The following CLIP2 variants were observed in gnomAD, a reference collection of about 807,000 sequenced individuals.
The protein encoded by CLIP2 is CAP-Gly domain containing linker protein 2.
A neutral mutation model predicts 111.7 loss-of-function variants in CLIP2; 41 were observed. That is an observed-to-expected ratio of 0.37 (90% CI 0.29 to 0.48). The LOEUF (loss-of-function observed/expected upper bound fraction) is 0.48, where lower values mean the gene tolerates loss of function less well. Among genes scored for constraint, CLIP2 ranks in the 20% least tolerant of loss-of-function variants. The pLI, the probability that CLIP2 is intolerant of heterozygous loss-of-function variation, is 0.99. For synonymous variants in CLIP2, 660 were observed against 644.2 expected, an observed-to-expected ratio of 1.02 and a Z score of -0.37; for missense variants, 1,160 against 1,422.1, an observed-to-expected ratio of 0.82 and a Z score of 2.96.
At chr7:74,334,422 G>A (rs975320435) in intron 2 of CLIP2, among the ~76,000 whole-genome samples, 4 of 152,194 alleles carry the variant, frequency 2.6e-5, no homozygotes, top group Admixed American at 6.5e-5. Context: ...CTGAGGGTCC[G>A]CCTGGGCCCG....
chr7:74,306,530 A>G (rs1470033207), intron 1 of CLIP2, among the ~76,000 whole-genome samples: 1 of 151,994 alleles, frequency 6.6e-6, no homozygotes, highest in African/African-American at 2.4e-5. Context: ...CCACTGCTCT[A>G]TTTGGCACCC....
intron 10 of CLIP2, among the ~76,000 whole-genome samples, chr7:74,378,035 A>C (rs1554313296): frequency 6.6e-6 from 1 of 152,156 alleles, no homozygotes; most frequent in East Asian, 1.9e-4. Flanking sequence ...CAGGTAGTCC[A>C]GGCTGGTCTC....
intron 2 of CLIP2, among the ~76,000 whole-genome samples, chr7:74,334,303 T>C (rs1584335018): frequency 6.6e-6 from 1 of 152,274 alleles, no homozygotes; most frequent in East Asian, 1.9e-4. Context: ...TGAAGCGAAG[T>C]ATCACGTGCA....
chr7:74,377,982 C>T (rs1377423383), intron 10 of CLIP2, among the ~76,000 whole-genome samples: 3 of 152,008 alleles, frequency 2.0e-5, no homozygotes, highest in African/African-American at 4.8e-5. Context: ...TGCACCACCA[C>T]GCCCAGCTAA....
At chr7:74,319,373 G>A (rs1253348572) in intron 2 of CLIP2, among the ~76,000 whole-genome samples, 1 of 151,984 alleles carries the variant, frequency 6.6e-6, no homozygotes, top group East Asian at 1.9e-4. Flanking sequence ...TTAGCGGGAT[G>A]TGGTGGCACC....
chr7:74,297,789 G>A lies in CLIP2; in HGVS notation c.-68+8055G>A, dbSNP rs143415060. 2.0e-3 allele frequency among the ~76,000 whole-genome samples: 300 copies of A among 152,140 alleles called. 1 individual carries two copies. Among genetic ancestry groups the A allele is most frequent in the African/African-American group, 6.9e-3 (285 of 41,528 alleles). On this transcript the variant is annotated intron_variant, in intron 1 of 16. Transcript: ENST00000223398. ...GTAAGAATCCAACTCGATGGGAGGA[G>A]GACGAGAGTAGCGGAGGAGGGCATT...
chr7:74,310,790 C>T (rs936296627), intron 1 of CLIP2, among the ~76,000 whole-genome samples: 2 of 151,884 alleles, frequency 1.3e-5, no homozygotes, highest in East Asian at 3.9e-4. Context: ...TGGCTCACTG[C>T]AACCTCTGCC....
chr7:74,314,873 C>T (rs1788728815), intron 1 of CLIP2, among the ~76,000 whole-genome samples: 1 of 152,158 alleles, frequency 6.6e-6, no homozygotes. Flanking sequence ...CATCTTGCTG[C>T]CCCCTGACCC....
chr7:74,358,129 G>T (rs1288452589), intron 6 of CLIP2, among the ~76,000 whole-genome samples: 1 of 149,802 alleles, frequency 6.7e-6, no homozygotes, highest in Non-Finnish European at 1.5e-5. Flanking sequence ...TCAGCTCACT[G>T]CAACCTCCAC....
At chr7:74,332,350 AGG>A (rs1789311859) in intron 2 of CLIP2, among the ~76,000 whole-genome samples, 4 of 151,714 alleles carry the variant, frequency 2.6e-5, no homozygotes, top group African/African-American at 9.7e-5. Context: ...CTGGGATTCC[AGG>A]CATGAGCCAC....
chr7:74,331,720 C>G (rs1554731333), intron 2 of CLIP2, among the ~76,000 whole-genome samples: 1 of 151,028 alleles, frequency 6.6e-6, no homozygotes, highest in Non-Finnish European at 1.5e-5. Flanking sequence ...ACTTTAGATG[C>G]CTGCCACCAC....
chr7:74,393,215 A>T (rs1554316149), intron 13 of CLIP2, among the ~76,000 whole-genome samples: 1 of 151,208 alleles, frequency 6.6e-6, no homozygotes, highest in African/African-American at 2.4e-5. Flanking sequence ...TTTAGTAGGG[A>T]CAGGGTTTCA....
rs550091495 is a variant in CLIP2 at position 74,303,602 on chromosome 7, T to A, written c.-68+13868T>A. Among the ~76,000 whole-genome samples the A allele has an allele frequency of 2.3e-4, 35 of 151,014 alleles. No individual in the cohort carries two copies. The East Asian group carries it at 6.8e-3, about 29-fold the overall frequency. ...CTCCCCTTGTGTCTCTTATTTTTTT[T>A]TTTTTTTTTTTTAGAAATAGGGTCT... On this transcript the variant is annotated intron_variant, in intron 1 of 16. Transcript: ENST00000223398.
In CLIP2 at chr7:74,317,604, A is replaced by C; in HGVS notation, c.58A>C (p.Met20Leu). The change falls in exon 2 of 17, where the codon ATG becomes CTG. Residue 20 changes from methionine (M) to leucine (L), a missense_variant. This residue lies in a region of CLIP2 where 301 missense variants were observed against 315.2 expected (regional missense o/e 0.96). Transcript: ENST00000223398. ...PGRGGKHSSP[M>L]GRTSTGSASS... Reference sequence around the variant, plus strand: ...CCGTGGGGGGAAGCACTCCAGCCCCATGGGCCGGACATCTACTGGGTCAGC... The same window carrying C: ...CCGTGGGGGGAAGCACTCCAGCCCCCTGGGCCGGACATCTACTGGGTCAGC... The C allele has an allele frequency of 1.3e-6, 2 of 1,523,364 alleles. No homozygotes were observed. Among genetic ancestry groups the C allele is most frequent in the Non-Finnish European group, 1.8e-6 (2 of 1,129,442 alleles). The allele number at this position is 1,523,364 out of a possible 1,614,324, so 94.4% of individuals were successfully genotyped here.
intron 11 of CLIP2, among the ~76,000 whole-genome samples, chr7:74,384,393 C>G (rs1791025593): frequency 6.6e-6 from 1 of 150,388 alleles, no homozygotes; most frequent in Admixed American, 6.7e-5. Context: ...TACCTGTTTT[C>G]AGTGCTTTGG....
At chr7:74,324,146 C>G (rs1232534305) in intron 2 of CLIP2, among the ~76,000 whole-genome samples, 1 of 152,170 alleles carries the variant, frequency 6.6e-6, no homozygotes, top group African/African-American at 2.4e-5. Flanking sequence ...GTGGCCGTCA[C>G]CATGCCCGGC....
chr7:74,373,285 G>A (rs1364492123), intron 9 of CLIP2, among the ~76,000 whole-genome samples: 1 of 152,102 alleles, frequency 6.6e-6, no homozygotes, highest in Non-Finnish European at 1.5e-5. Context: ...ATCGCCTGAG[G>A]TCAGGAGTTC....
chr7:74,377,370 G>T lies in CLIP2; in HGVS notation c.2421+548G>T, dbSNP rs545301366. ...TCCCGGAGTGGGGTCTGGAAGGCTA[G>T]AGGGGGTGGCCCTAAAGAGGTCGCT... On this transcript the variant is annotated intron_variant, in intron 10 of 16. Transcript: ENST00000223398. Among the ~76,000 whole-genome samples the T allele has an allele frequency of 4.6e-5, 7 of 152,348 alleles. No homozygotes were observed. In the East Asian group the frequency reaches 1.3e-3, roughly 29 times the overall value.
At chr7:74,333,872 G>A (rs1300709067) in intron 2 of CLIP2, among the ~76,000 whole-genome samples, 1 of 152,182 alleles carries the variant, frequency 6.6e-6, no homozygotes, top group East Asian at 1.9e-4. Flanking sequence ...GGAACTCAGA[G>A]GGCAGTGAGG....
Sources: allele counts gnomAD v4.1 joint callset (sites outside exome capture counted in the v4.1 genomes callset), GRCh38; gene constraint gnomAD v4.1.1; regional missense constraint gnomAD v4.1.1; transcripts MANE v1.5; gene names NCBI Gene and HGNC (gene_info 2026-07-23, HGNC 2026-07-21).